TRNAU1AP: variants seen among roughly 807,000 people sequenced by gnomAD.
TRNAU1AP encodes tRNA selenocysteine 1 associated protein 1.
A neutral mutation model predicts 43.3 loss-of-function variants in TRNAU1AP; 33 were observed. That is an observed-to-expected ratio of 0.76 (90% confidence interval 0.58 to 1.02). The LOEUF (loss-of-function observed/expected upper bound fraction) is 1.02, where lower values mean the gene tolerates loss of function less well. TRNAU1AP is among the 50% of genes least tolerant of loss of function. The pLI, the probability that TRNAU1AP is intolerant of heterozygous loss-of-function variation, is 0.00. For missense variants in TRNAU1AP, 290 were observed against 362.7 expected, an observed-to-expected ratio of 0.80 and a Z score of 1.63; for synonymous variants, 143 against 129.1, an observed-to-expected ratio of 1.11 and a Z score of -0.73.
intron 7 of TRNAU1AP, 89 bp downstream of exon 7, chr1:28,571,427 G>T: frequency 1.4e-6 from 2 of 1,392,360 alleles, no homozygotes; most frequent in Non-Finnish European, 1.0e-6. Context: ...GGTAAGGACA[G>T]GGGCTTGGGC....
At chr1:28,559,664 A>C (rs1557432548) in intron 2 of TRNAU1AP, among the ~76,000 whole-genome samples, 1 of 151,788 alleles carries the variant, frequency 6.6e-6, no homozygotes, top group East Asian at 1.9e-4. Context: ...CGGTCTCAGA[A>C]AAAAAAAACA....
At chr1:28,571,055 ACT>A (rs1244731218) in intron 6 of TRNAU1AP, 119 bp from the exon 7 acceptor site, 6 of 924,532 alleles carry the variant, frequency 6.5e-6, no homozygotes, top group East Asian at 5.5e-5. Context: ...ACAGAGCAAG[ACT>A]CTGTCTCAAG....
intron 8 of TRNAU1AP, among the ~76,000 whole-genome samples, chr1:28,574,261 T>C (rs1665726662): frequency 6.6e-6 from 1 of 151,912 alleles, no homozygotes; most frequent in South Asian, 2.1e-4. Context: ...CTAATTTTTG[T>C]ATTTTTAGTA....
At chr1:28,565,043 T>G in intron 5 of TRNAU1AP, 1 of 580,278 alleles carries the variant, frequency 1.7e-6, no homozygotes, top group Non-Finnish European at 3.0e-6. Flanking sequence ...CAGCCCCATC[T>G]GTAAAATGGA....
chr1:28,556,355 T>G (rs1373410871), intron 2 of TRNAU1AP, among the ~76,000 whole-genome samples: 2 of 151,506 alleles, frequency 1.3e-5, no homozygotes, highest in African/African-American at 4.8e-5. Flanking sequence ...TTCCAACTAC[T>G]TGAGAGGCTG....
At chr1:28,567,206 C>A in intron 5 of TRNAU1AP, 88 bp from the exon 6 acceptor site, 3 of 1,436,268 alleles carry the variant, frequency 2.1e-6, no homozygotes, top group Non-Finnish European at 2.9e-6. Flanking sequence ...CATTCCTGCC[C>A]ACCTTCTTAT....
chr1:28,576,120 A>G (rs1665773787), intron 8 of TRNAU1AP, among the ~76,000 whole-genome samples: 1 of 150,612 alleles, frequency 6.6e-6, no homozygotes, highest in Middle Eastern at 3.3e-3. Flanking sequence ...CGGCCTCCCA[A>G]AGTGCTGGGT....
chr1:28,576,552 T>A (rs904064180), intron 8 of TRNAU1AP, among the ~76,000 whole-genome samples: 3 of 151,822 alleles, frequency 2.0e-5, no homozygotes, highest in Admixed American at 1.3e-4. Context: ...CTCTTGACCT[T>A]GTGATCTGCC....
rs1442490140 is a variant in TRNAU1AP at position 28,578,025 on chromosome 1, A to AT, written c.*392dup. The stretch of plus-strand genomic sequence containing the variant: ...CTGGAGTATTTGTAGGACCTGCCAT[A>AT]TTTGAGTCCTAACTTGGTGCAAGTC... On this transcript the variant is annotated 3_prime_UTR_variant, in exon 9 of 9. Coordinates refer to ENST00000373830, the MANE Select transcript of TRNAU1AP (RefSeq NM_017846.5). 1.2e-5 allele frequency: 2 copies of AT among 166,184 alleles called. No individual in the cohort carries two copies. Among genetic ancestry groups the AT allele is most frequent in the African/African-American group, 4.8e-5 (2 of 41,694 alleles). 10.3% of individuals were successfully genotyped at this position (166,184 alleles called of 1,614,324 possible). A position where few individuals can be genotyped will look rare whatever the true frequency, so the allele number is the denominator to read the frequency against.
At chr1:28,557,976 A>G (rs1570246414) in intron 2 of TRNAU1AP, among the ~76,000 whole-genome samples, 1 of 147,450 alleles carries the variant, frequency 6.8e-6, no homozygotes, top group African/African-American at 2.5e-5. Flanking sequence ...ACTCACTGCA[A>G]CCTCCACCTC....
intron 2 of TRNAU1AP, among the ~76,000 whole-genome samples, chr1:28,558,062 A>ATTT (rs998976595): frequency 6.6e-5 from 8 of 122,104 alleles, no homozygotes; most frequent in Non-Finnish European, 1.0e-4. Context: ...TGCCTGGCTA[A>ATTT]TTTTTTTTTT....
At chr1:28,562,705 C>T (rs934152508) in intron 4 of TRNAU1AP, among the ~76,000 whole-genome samples, 1 of 151,614 alleles carries the variant, frequency 6.6e-6, no homozygotes, top group South Asian at 2.1e-4. Flanking sequence ...CTCACCCTCC[C>T]GAGTAGCTGG....
intron 8 of TRNAU1AP, among the ~76,000 whole-genome samples, chr1:28,573,449 G>A (rs1665706999): frequency 6.6e-6 from 1 of 151,318 alleles, no homozygotes; most frequent in Non-Finnish European, 1.5e-5. Flanking sequence ...GACCATCTTG[G>A]CCAACATGGT....
chr1:28,555,468 C>G (rs1336823873), intron 2 of TRNAU1AP, among the ~76,000 whole-genome samples: 1 of 151,116 alleles, frequency 6.6e-6, no homozygotes, highest in African/African-American at 2.4e-5. Context: ...ATCAATTTGT[C>G]AGTGTTTATC....
chr1:28,553,127 G>A lies in TRNAU1AP; in HGVS notation c.17G>A (p.Trp6Ter), dbSNP rs939528395. Reference sequence around the variant, plus strand: ...TGCGCGGGTATGGCGGCCAGCCTGTGGATGGGCGACGTGAGTGAGGGCAGC... The same window carrying A: ...TGCGCGGGTATGGCGGCCAGCCTGTAGATGGGCGACGTGAGTGAGGGCAGC... MAASL[W>*]MGDLEPYMDE... is the part of the protein sequence containing the mutation. Residue 6 changes from tryptophan to a stop codon, truncating the protein, a stop_gained, in exon 1 of 9, where the codon TGG becomes TAG. Transcript: ENST00000373830. LOFTEE classifies it high-confidence loss of function. 6.6e-7 allele frequency: 1 copy of A among 1,521,002 alleles called. No individual in the cohort carries two copies. The highest frequency in any genetic ancestry group is 8.8e-7 in the Non-Finnish European group (1 of 1,131,698). The allele number at this position is 1,521,002 out of a possible 1,614,324, so 94.2% of individuals were successfully genotyped here. A position where few individuals can be genotyped will look rare whatever the true frequency, so the allele number is the denominator to read the frequency against.
rs1570248775 is a variant in TRNAU1AP at position 28,560,746 on chromosome 1, GATA to G, written c.225+17_225+19del. 2.5e-6 allele frequency: 4 copies of G among 1,578,216 alleles called. No individual in the cohort carries two copies. The highest frequency in any genetic ancestry group is 3.5e-6 in the Non-Finnish European group (4 of 1,148,290). On this transcript the variant is annotated intron_variant, in intron 3 of 8. Coordinates refer to ENST00000373830, the MANE Select transcript of TRNAU1AP (RefSeq NM_017846.5). ...GGAGCCACACCTGTAAGGACATTTAGATAATGATGATGTTGCCATTATTATTGT... is the reference window on the plus strand; with the variant it reads ...GGAGCCACACCTGTAAGGACATTTAGATGATGATGTTGCCATTATTATTGT...
chr1:28,567,195 A>G (rs1665560296), intron 5 of TRNAU1AP, 99 bp from the exon 6 acceptor site: 1 of 1,342,364 alleles, frequency 7.4e-7, no homozygotes, highest in Non-Finnish European at 1.0e-6. Flanking sequence ...TTTCCTTTCT[A>G]CATTCCTGCC....
intron 8 of TRNAU1AP, among the ~76,000 whole-genome samples, chr1:28,574,044 G>C (rs1334972465): frequency 6.7e-6 from 1 of 148,984 alleles, no homozygotes; most frequent in Non-Finnish European, 1.5e-5. Flanking sequence ...AGAACTTTGA[G>C]ACCAGCCTGG....
chr1:28,571,915 G>T lies in TRNAU1AP; in HGVS notation c.727+15G>T. The T allele has an allele frequency of 6.2e-7, 1 of 1,609,148 alleles. No individual in the cohort carries two copies. The highest frequency in any genetic ancestry group is 1.1e-5 in the South Asian group (1 of 90,956). On this transcript the variant is annotated intron_variant, in intron 8 of 8. Transcript: ENST00000373830. ...TGCATTGGAAGGTAAGGGTTCATAC[G>T]TTCCTTACTCTGTCAGCCATTATCA... is the stretch of plus-strand genomic sequence containing the variant.
Sources: gnomAD v4.1 joint callset for allele counts (sites outside exome capture counted in the v4.1 genomes callset) on GRCh38, gnomAD v4.1.1 for gene constraint, MANE v1.5 for transcripts, NCBI Gene and HGNC (gene_info 2026-07-23, HGNC 2026-07-21) for gene names.